CTNNA3: variants seen among roughly 807,000 people sequenced by gnomAD.
The protein encoded by CTNNA3 is catenin alpha-3.
A neutral mutation model predicts 95.7 loss-of-function variants in CTNNA3; 76 were observed. That is an observed-to-expected ratio of 0.79 (90% CI 0.66 to 0.96). The LOEUF (loss-of-function observed/expected upper bound fraction) is 0.96, where lower values mean the gene tolerates loss of function less well. CTNNA3 is among the 40% of genes least tolerant of loss of function. The probability of loss-of-function intolerance (pLI) is 0.00; values close to 1 mark genes in which losing one functional copy is unlikely to be tolerated. For synonymous variants in CTNNA3, 431 were observed against 374.4 expected (o/e 1.15, Z -1.74); for missense variants, 1,191 against 1,089.8 (o/e 1.09, Z -1.31).
chr10:66,480,724 C>T (rs1040544055), intron 11 of CTNNA3, among the ~76,000 whole-genome samples: 33 of 152,234 alleles, frequency 2.2e-4, no homozygotes, highest in African/African-American at 7.5e-4. Flanking sequence ...CCTGCCTCAG[C>T]CTCCTGAGTA....
chr10:66,457,724 T>A (rs966912825), intron 11 of CTNNA3, among the ~76,000 whole-genome samples: 1 of 151,952 alleles, frequency 6.6e-6, no homozygotes, highest in Non-Finnish European at 1.5e-5. Context: ...CCAAGCCCCT[T>A]ATCTCAAAGG....
chr10:66,411,579 T>G (rs891234873), intron 11 of CTNNA3, among the ~76,000 whole-genome samples: 1 of 152,132 alleles, frequency 6.6e-6, no homozygotes, highest in South Asian at 2.1e-4. Context: ...AAAGATAATG[T>G]GGGTGCTTGA....
At chr10:65,981,777 G>T (rs1019022264) in intron 16 of CTNNA3, among the ~76,000 whole-genome samples, 1 of 151,912 alleles carries the variant, frequency 6.6e-6, no homozygotes, top group African/African-American at 2.4e-5. Context: ...ATGGTGCTGG[G>T]ATAATTGGCT....
chr10:66,247,276 A>G (rs1238272110), intron 13 of CTNNA3, among the ~76,000 whole-genome samples: 1 of 152,128 alleles, frequency 6.6e-6, no homozygotes, highest in Non-Finnish European at 1.5e-5. Context: ...ACAGTAAAAT[A>G]GAACATGTGG....
chr10:66,005,505 C>T (rs1253675966), intron 15 of CTNNA3, among the ~76,000 whole-genome samples: 1 of 152,074 alleles, frequency 6.6e-6, no homozygotes, highest in African/African-American at 2.4e-5. Flanking sequence ...GCTGTATGCT[C>T]CTTTACTTAC....
intron 5 of CTNNA3, among the ~76,000 whole-genome samples, chr10:67,370,853 AGAG>A (rs943822069): frequency 1.9e-4 from 28 of 151,306 alleles, no homozygotes; most frequent in African/African-American, 6.6e-4. Flanking sequence ...ATACATGTTA[AGAG>A]GAAGTTTTTT....
intron 5 of CTNNA3, among the ~76,000 whole-genome samples, chr10:67,421,152 G>A (rs1488356043): frequency 6.6e-6 from 1 of 152,068 alleles, no homozygotes; most frequent in Non-Finnish European, 1.5e-5. Flanking sequence ...TAAAATCTAT[G>A]GAGCATGCCT....
chr10:67,248,698 A>T lies in CTNNA3; in HGVS notation c.580-28828T>A, dbSNP rs981035054. ...AGCCTCAGCCTCCTGAAAGTGCTGG[A>T]ATTACAGGCATGAGCCACCACACCT... On this transcript the variant is annotated intron_variant, in intron 5 of 17. Coordinates refer to ENST00000433211, the MANE Select transcript of CTNNA3 (RefSeq NM_013266.4). 7.9e-5 allele frequency among the ~76,000 whole-genome samples: 12 copies of T among 152,162 alleles called. 1 individual carries two copies. Among genetic ancestry groups the T allele is most frequent in the Admixed American group, 2.6e-4 (4 of 15,270 alleles).
chr10:67,727,494 CATA>C, intron 1 of CTNNA3, among the ~76,000 whole-genome samples: 1 of 128,596 alleles, frequency 7.8e-6, no homozygotes, highest in East Asian at 2.1e-4. Context: ...TTATATTAAA[CATA>C]ATATATCATA....
At chr10:67,309,569 T>G (rs1247879582) in intron 5 of CTNNA3, among the ~76,000 whole-genome samples, 1 of 152,200 alleles carries the variant, frequency 6.6e-6, no homozygotes, top group Non-Finnish European at 1.5e-5. Context: ...TGTGTGTTGA[T>G]GTGTACATGT....
At chr10:66,530,844 A>G (rs1841441382) in intron 10 of CTNNA3, among the ~76,000 whole-genome samples, 2 of 152,126 alleles carry the variant, frequency 1.3e-5, no homozygotes, top group African/African-American at 4.8e-5. Context: ...ATCCTATTCT[A>G]GGGGTTAAAA....
chr10:67,758,756 C>T (rs138219609), intron 1 of CTNNA3, among the ~76,000 whole-genome samples: 6 of 98,252 alleles, frequency 6.1e-5, no homozygotes, highest in Non-Finnish European at 1.3e-4. Context: ...TTCTGCCCTT[C>T]GACATCTGAT....
intron 3 of CTNNA3, among the ~76,000 whole-genome samples, chr10:67,552,580 T>C (rs1589416812): frequency 6.6e-6 from 1 of 151,890 alleles, no homozygotes; most frequent in South Asian, 2.1e-4. Context: ...GGTAAATGTG[T>C]ACCATGGTGG....
chr10:66,405,544 T>G (rs537807913), intron 11 of CTNNA3, among the ~76,000 whole-genome samples: 5 of 152,158 alleles, frequency 3.3e-5, no homozygotes, highest in Admixed American at 2.0e-4. Flanking sequence ...TTCATTTATA[T>G]CCAGTGTTCT....
At chr10:67,741,075 C>A (rs1245854850) in intron 1 of CTNNA3, among the ~76,000 whole-genome samples, 1 of 150,742 alleles carries the variant, frequency 6.6e-6, no homozygotes, top group Non-Finnish European at 1.5e-5. Context: ...AAACAAACAC[C>A]GCATATTCTC....
rs551953859 is a variant in CTNNA3 at position 66,171,091 on chromosome 10, C to T, written c.1885-67842G>A. ...GAGATTGCAGTGAGCCGAGATGGAG[C>T]CACTGCACTCCAACCTGGGCGACAG... is the stretch of plus-strand genomic sequence containing the variant. On this transcript the variant is annotated intron_variant, in intron 13 of 17. Transcript: ENST00000433211. Among the ~76,000 whole-genome samples the T allele has an allele frequency of 1.0e-3, 154 of 152,060 alleles. 1 individual carries two copies. Among genetic ancestry groups the T allele is most frequent in the African/African-American group, 3.5e-3 (147 of 41,474 alleles).
rs546707090 is a variant in CTNNA3 at position 66,782,364 on chromosome 10, A to G, written c.1048-6840T>C. Reference sequence around the variant, plus strand: ...CTGGCTGATTTCCCTGTGCTTTTTCAAACACCAGCCTTGTCCTGGAATGCC... The same window carrying G: ...CTGGCTGATTTCCCTGTGCTTTTTCGAACACCAGCCTTGTCCTGGAATGCC... On this transcript the variant is annotated intron_variant, in intron 7 of 17. Coordinates refer to ENST00000433211, the MANE Select transcript of CTNNA3 (RefSeq NM_013266.4). 7.2e-5 allele frequency among the ~76,000 whole-genome samples: 11 copies of G among 152,220 alleles called. No individual in the cohort carries two copies. In the East Asian group the frequency reaches 2.1e-3, roughly 29 times the overall value.
chr10:66,848,631 C>A lies in CTNNA3; in HGVS notation c.1048-73107G>T, dbSNP rs1375991652. 2.0e-5 allele frequency among the ~76,000 whole-genome samples: 3 copies of A among 152,092 alleles called. No individual in the cohort carries two copies. In the South Asian group the frequency reaches 6.2e-4, roughly 32 times the overall value. ...ATATATTTCACCTTATGAGCTTATA[C>A]AGAATTCACATCAGGCTAATAAAAT... On this transcript the variant is annotated intron_variant, in intron 7 of 17. Coordinates refer to ENST00000433211, the MANE Select transcript of CTNNA3 (RefSeq NM_013266.4).
At chr10:66,542,504 G>T (rs1373564040) in intron 10 of CTNNA3, among the ~76,000 whole-genome samples, 1 of 152,018 alleles carries the variant, frequency 6.6e-6, no homozygotes, top group East Asian at 1.9e-4. Context: ...GTCCAACAAT[G>T]ATAGACTGGA....
Sources: allele counts gnomAD v4.1 joint callset (sites outside exome capture counted in the v4.1 genomes callset), GRCh38; gene constraint gnomAD v4.1.1; transcripts MANE v1.5; gene names NCBI Gene and HGNC (gene_info 2026-07-23, HGNC 2026-07-21).